Variants in PCDHA2 observed in about 807,000 individuals in gnomAD.
PCDHA2 encodes protocadherin alpha 2, also known as protocadherin alpha-2.
A neutral mutation model predicts 66.0 loss-of-function variants in PCDHA2; 58 were observed. That is an observed-to-expected ratio of 0.88 (90% CI 0.71 to 1.09). The LOEUF (loss-of-function observed/expected upper bound fraction) is 1.09. PCDHA2 is among the 50% of genes least tolerant of loss of function. PCDHA2 has a pLI of 0.00. For missense variants in PCDHA2, 1,267 were observed against 1,242.3 expected (o/e 1.02, Z -0.30); for synonymous variants, 634 against 554.0 (o/e 1.14, Z -2.03).
intron 1 of PCDHA2, among the ~76,000 whole-genome samples, chr5:140,888,523 T>C (rs1316582829): frequency 6.6e-6 from 1 of 152,244 alleles, no homozygotes; most frequent in African/African-American, 2.4e-5. Flanking sequence ...AGTTCTGACG[T>C]GAAGTTAAGT....
chr5:140,848,428 C>A lies in PCDHA2; in HGVS notation c.2388+51076C>A, dbSNP rs2150410339. 6.6e-5 allele frequency: 95 copies of A among 1,449,944 alleles called. 7 individuals are homozygous for A. The highest frequency in any genetic ancestry group is 8.7e-5 in the Non-Finnish European group (92 of 1,058,798). The allele number at this position is 1,449,944 out of a possible 1,614,324, so 89.8% of individuals were successfully genotyped here. A position where few individuals can be genotyped will look rare whatever the true frequency, so the allele number is the denominator to read the frequency against. On this transcript the variant is annotated intron_variant, in intron 1 of 3. Transcript: ENST00000526136. ...GGCGAACACAGCAGAATGGGACTGA[C>A]GAAATCAGATGATTTCTTCTAATTT...
At chr5:140,843,111 T>TGAA (rs2150352902) in intron 1 of PCDHA2, 1 of 1,595,832 alleles carries the variant, frequency 6.3e-7, no homozygotes, top group South Asian at 1.1e-5. Context: ...GTGCGCGCAG[T>TGAA]GGACGCCGAC....
intron 1 of PCDHA2, among the ~76,000 whole-genome samples, chr5:140,924,726 C>T (rs1294650773): frequency 1.3e-5 from 2 of 151,796 alleles, no homozygotes; most frequent in African/African-American, 4.8e-5. Context: ...GAAACCTCAC[C>T]TCTAATAAAA....
chr5:140,884,054 G>C (rs1313975286), intron 1 of PCDHA2: 8 of 1,613,390 alleles, frequency 5.0e-6, no homozygotes, highest in Non-Finnish European at 4.2e-6. Context: ...GAAGGTGCGC[G>C]CGGTGGACGC....
Position 140,849,936 on chromosome 5 carries a change from G to C in PCDHA2, c.2388+52584G>C, listed in dbSNP as rs2041236618. The C allele has an allele frequency of 2.5e-6, 4 of 1,598,080 alleles. 1 individual carries two copies. Among genetic ancestry groups the C allele is most frequent in the Non-Finnish European group, 3.4e-6 (4 of 1,167,760 alleles). On this transcript the variant is annotated intron_variant, in intron 1 of 3. Transcript: ENST00000526136. ...CCACATCTTCACGGTGTCTGCGCGG[G>C]ACGCTGACGCGCAGGAGAACGCCCT...
Position 141,009,839 on chromosome 5 carries a change from A to G in PCDHA2, c.2749A>G (p.Lys917Glu), listed in dbSNP as rs2098414795. 6.2e-7 allele frequency: 1 copy of G among 1,614,164 alleles called. No individual in the cohort carries two copies. Residue 917 changes from lysine (K) to glutamate (E), a missense_variant, in exon 4 of 4, where the codon AAG becomes GAG. Coordinates refer to ENST00000526136, the MANE Select transcript of PCDHA2 (RefSeq NM_018905.3). The part of the protein sequence containing the change: ...DKSDFITFGK[K>E]EETKKKKKKK... ...AAGTGACTTCATAACCTTCGGCAAA[A>G]AGGAGGAGACCAAGAAAAAGAAGAA...
At chr5:140,803,035 C>T (rs781793277) in intron 1 of PCDHA2, 28 of 1,613,900 alleles carry the variant, frequency 1.7e-5, no homozygotes, top group Admixed American at 5.0e-5. Context: ...GAGCTGCAGC[C>T]TGGGACCGGC....
rs1554119809 is a variant in PCDHA2, at chr5:140,796,283, G to A, written c.1319G>A (p.Ser440Asn). ...TCGCCTTCACTGTGGGCCACCACCA[G>A]CGTGTCCATCGAGGTGGCCGACGTG... is the stretch of plus-strand genomic sequence containing the variant. ...GGSPSLWATTSVSIEVADVND... is the reference protein window; with the variant it reads ...GGSPSLWATTNVSIEVADVND... The change falls in exon 1 of 4, where the codon AGC becomes AAC. Residue 440 changes from serine (S) to asparagine (N), a missense_variant. Ser to Asn is a conservative substitution (Grantham distance 46). Coordinates refer to ENST00000526136, the MANE Select transcript of PCDHA2 (RefSeq NM_018905.3). The A allele has an allele frequency of 1.2e-6, 2 of 1,614,166 alleles. No homozygotes were observed. The highest frequency in any genetic ancestry group is 1.7e-5 in the Admixed American group (1 of 60,036).
chr5:140,849,133 C>T, intron 1 of PCDHA2: 2 of 1,357,922 alleles, frequency 1.5e-6, no homozygotes, highest in South Asian at 2.6e-5. Flanking sequence ...TTATTGCTCA[C>T]GGCCACCGAT....
intron 1 of PCDHA2, chr5:140,849,857 G>T (rs2150454251): frequency 1.9e-6 from 3 of 1,598,510 alleles, no homozygotes; most frequent in African/African-American, 2.7e-5. Context: ...ACGCACCAGC[G>T]TTCGCGCAGT....
chr5:140,927,640 A>G (rs2084459027), intron 1 of PCDHA2: 8 of 1,614,138 alleles, frequency 5.0e-6, no homozygotes, highest in Non-Finnish European at 6.8e-6. Flanking sequence ...ACCCAATGGG[A>G]CTGTGTTATT....
In PCDHA2 at chr5:140,876,137, T is replaced by TA. The variant is rs781824852; in HGVS notation, c.2388+78787dup. The TA allele has an allele frequency of 1.3e-5, 21 of 1,613,798 alleles. No individual in the cohort carries two copies. The Middle Eastern group carries it at 4.9e-4, about 38-fold the overall frequency. On this transcript the variant is annotated intron_variant, in intron 1 of 3. Coordinates refer to ENST00000526136, the MANE Select transcript of PCDHA2 (RefSeq NM_018905.3). Reference sequence around the variant, plus strand: ...GTAATCGATGGCGGTAAACCAGAACTAACAGGGTCTGTCCAGATTCAAATA... The same window carrying TA: ...GTAATCGATGGCGGTAAACCAGAACTAAACAGGGTCTGTCCAGATTCAAATA...
chr5:140,822,384 A>G, intron 1 of PCDHA2: 1 of 1,614,130 alleles, frequency 6.2e-7, no homozygotes, highest in Admixed American at 1.7e-5. Flanking sequence ...ATAGAGAAGA[A>G]ACACAAGAAC....
At chr5:140,865,724 G>T (rs1334768794) in intron 1 of PCDHA2, 1 of 152,164 alleles carries the variant, frequency 6.6e-6, no homozygotes, top group African/African-American at 2.4e-5. Flanking sequence ...GAGAAGCTGA[G>T]ATGTGTATCT....
intron 1 of PCDHA2, among the ~76,000 whole-genome samples, chr5:140,946,079 G>A (rs2093884371): frequency 6.6e-6 from 1 of 151,926 alleles, no homozygotes; most frequent in African/African-American, 2.4e-5. Context: ...GCAAACCACA[G>A]ATCTGATAAG....
chr5:140,809,620 A>C (rs1554125322), intron 1 of PCDHA2: 1 of 1,511,684 alleles, frequency 6.6e-7, no homozygotes. Context: ...GTTTTTCTCT[A>C]TCAACTTCTT....
chr5:140,986,732 C>T (rs1427962629), intron 3 of PCDHA2, among the ~76,000 whole-genome samples: 1 of 152,150 alleles, frequency 6.6e-6, no homozygotes, highest in African/African-American at 2.4e-5. Context: ...CTTCTCAAGA[C>T]CCCAGGGGAT....
At chr5:140,823,724 T>A in intron 1 of PCDHA2, 6 of 1,613,808 alleles carry the variant, frequency 3.7e-6, no homozygotes, top group Non-Finnish European at 5.1e-6. Flanking sequence ...CTGGTGCTGG[T>A]GAAGGACCAT....
intron 1 of PCDHA2, among the ~76,000 whole-genome samples, chr5:140,962,829 C>CT (rs1342441888): frequency 6.6e-6 from 1 of 152,190 alleles, no homozygotes; most frequent in East Asian, 1.9e-4. Flanking sequence ...CCATTTGTCT[C>CT]TTTTTTATTA....
Sources: allele counts gnomAD v4.1 joint callset (sites outside exome capture counted in the v4.1 genomes callset), GRCh38; gene constraint gnomAD v4.1.1; transcripts MANE v1.5; gene names NCBI Gene and HGNC (gene_info 2026-07-23, HGNC 2026-07-21).